Variants in CFAP96 observed in about 807,000 individuals in gnomAD.
CFAP96 encodes cilia-and flagella-associated protein 96.
the CFAP96 span, among the ~76,000 whole-genome samples, chr4:185,434,370 T>G: frequency 1.1e-5 from 1 of 88,782 alleles, no homozygotes; most frequent in Non-Finnish European, 2.5e-5. Context: ...GGATATAAAT[T>G]TAAAAATGTG....
At chr4:185,442,469 A>T in the CFAP96 span, among the ~76,000 whole-genome samples, 1 of 152,088 alleles carries the variant, frequency 6.6e-6, no homozygotes, top group African/African-American at 2.4e-5. Context: ...ATTATTTGTC[A>T]TTATAAAAAC....
the CFAP96 span, chr4:185,408,565 C>T: frequency 1.1e-6 from 1 of 950,744 alleles, no homozygotes. Context: ...AAAATGCCTT[C>T]ACAGATCTAT....
chr4:185,428,763 C>T, the CFAP96 span, among the ~76,000 whole-genome samples: 23 of 151,902 alleles, frequency 1.5e-4, no homozygotes, highest in East Asian at 4.4e-3. Flanking sequence ...TTTTATCTTG[C>T]CTAAATAATT....
the CFAP96 span, among the ~76,000 whole-genome samples, chr4:185,443,431 C>T: frequency 6.9e-6 from 1 of 145,574 alleles, no homozygotes; most frequent in Admixed American, 7.0e-5. Context: ...GCAACCTCTG[C>T]CTCCCAGGTT....
chr4:185,426,052 C>T, the CFAP96 span: 1 of 654,714 alleles, frequency 1.5e-6, no homozygotes, highest in Non-Finnish European at 2.7e-6. Context: ...GACGGCGAGG[C>T]GGGGCGGGTA....
the CFAP96 span, chr4:185,449,523 A>AG: frequency 2.6e-6 from 1 of 391,686 alleles, no homozygotes; most frequent in East Asian, 5.8e-5. Context: ...ACCCGGTCTT[A>AG]AAAAAAAAAA....
chr4:185,418,558 C>G, the CFAP96 span: 1 of 1,610,808 alleles, frequency 6.2e-7, no homozygotes, highest in East Asian at 2.2e-5. Context: ...GTTTTGAAAA[C>G]ATTTCTAGAA....
chr4:185,446,238 A>G, the CFAP96 span, among the ~76,000 whole-genome samples: 141 of 152,366 alleles, frequency 9.3e-4, no homozygotes, highest in Non-Finnish European at 1.7e-3. Context: ...TAACATTTTT[A>G]TGAATTAAAA....
chr4:185,438,798 T>C, the CFAP96 span, among the ~76,000 whole-genome samples: 3 of 152,234 alleles, frequency 2.0e-5, no homozygotes, highest in South Asian at 6.2e-4. Flanking sequence ...TAGGGCTGTT[T>C]ATTCCCCACT....
At chr4:185,425,873 G>A in the CFAP96 span, 2 of 1,603,006 alleles carry the variant, frequency 1.2e-6, no homozygotes, top group East Asian at 2.3e-5. Context: ...CACCATGTCC[G>A]CGACGTGGCG....
At chr4:185,430,002 G>A in the CFAP96 span, among the ~76,000 whole-genome samples, 10 of 152,268 alleles carry the variant, frequency 6.6e-5, no homozygotes, top group Non-Finnish European at 4.4e-5. Context: ...TAGGAATCTC[G>A]TTTTATTAGG....
chr4:185,448,689 A>G, the CFAP96 span, among the ~76,000 whole-genome samples: 8 of 152,156 alleles, frequency 5.3e-5, no homozygotes, highest in Non-Finnish European at 8.8e-5. Context: ...CAAGCCACCT[A>G]TCGCTACTCT....
At chr4:185,436,016 C>A in the CFAP96 span, 1 of 1,482,618 alleles carries the variant, frequency 6.7e-7, no homozygotes. Flanking sequence ...TAACCTCCTT[C>A]TTTTAAAACA....
At chr4:185,432,810 C>G in the CFAP96 span, among the ~76,000 whole-genome samples, 1,773 of 151,466 alleles carry the variant, frequency 0.012, 22 homozygotes, top group African/African-American at 0.04. Flanking sequence ...TTACAGTGAG[C>G]TATGATTGAG....
At chr4:185,438,446 T>C in the CFAP96 span, among the ~76,000 whole-genome samples, 2 of 152,210 alleles carry the variant, frequency 1.3e-5, no homozygotes, top group Admixed American at 1.3e-4. Context: ...TTTTAATGTC[T>C]TACCTGTCTC....
chr4:185,417,079 A>C, the CFAP96 span, among the ~76,000 whole-genome samples: 1 of 152,120 alleles, frequency 6.6e-6, no homozygotes, highest in Non-Finnish European at 1.5e-5. Flanking sequence ...ACTGGTGGAT[A>C]CCATCTTAAG....
At chr4:185,422,036 G>A in the CFAP96 span, among the ~76,000 whole-genome samples, 1 of 152,164 alleles carries the variant, frequency 6.6e-6, no homozygotes, top group African/African-American at 2.4e-5. Context: ...GCAACAGGAA[G>A]ACATCCTAGA....
At chr4:185,418,595 G>C in the CFAP96 span, 2 of 1,613,068 alleles carry the variant, frequency 1.2e-6, no homozygotes, top group East Asian at 4.5e-5. Flanking sequence ...ACTGAATAAA[G>C]CGCAGTATGT....
At chr4:185,412,037 G>A in the CFAP96 span, among the ~76,000 whole-genome samples, 35 of 152,272 alleles carry the variant, frequency 2.3e-4, no homozygotes, top group African/African-American at 8.2e-4. Context: ...AGGAGGCAGA[G>A]GAGTGGGTAG....
Sources: allele counts gnomAD v4.1 joint callset (sites outside exome capture counted in the v4.1 genomes callset), GRCh38; gene constraint gnomAD v4.1.1; transcripts MANE v1.5; gene names NCBI Gene and HGNC (gene_info 2026-07-23, HGNC 2026-07-21).